Variants in MBP observed in about 807,000 individuals in gnomAD.
The protein encoded by MBP is myelin basic protein.
In MBP, 16 loss-of-function variants were observed where a neutral mutation model predicts 35.8. The observed-to-expected ratio is 0.45, with a 90% CI of 0.30 to 0.68. The LOEUF (loss-of-function observed/expected upper bound fraction) is 0.68. Ranked by LOEUF, MBP falls within the 30% of genes least tolerant of loss-of-function variation. The pLI is 0.08. For missense variants in MBP, 380 were observed against 404.7 expected, an observed-to-expected ratio of 0.94 and a Z score of 0.52; for synonymous variants, 143 against 159.6, an observed-to-expected ratio of 0.90 and a Z score of 0.78.
chr18:77,107,417 CCCT>C (rs1402036328), intron 1 of MBP, among the ~76,000 whole-genome samples: 1 of 152,158 alleles, frequency 6.6e-6, no homozygotes, highest in Non-Finnish European at 1.5e-5. Context: ...CCGTTTCTCA[CCCT>C]CCTCCTCCCA....
chr18:77,017,245 T>C lies in MBP; in HGVS notation c.163A>G (p.Asn55Asp). 6.6e-7 allele frequency: 1 copy of C among 1,512,600 alleles called. No individual in the cohort carries two copies. The highest frequency in any genetic ancestry group is 8.8e-7 in the Non-Finnish European group (1 of 1,131,204). 93.7% of individuals were successfully genotyped at this position (1,512,600 alleles called of 1,614,324 possible). A position where few individuals can be genotyped will look rare whatever the true frequency, so the allele number is the denominator to read the frequency against. Residue 55 changes from asparagine to aspartate, a missense_variant, in exon 4 of 9, where the codon AAT (asparagine) becomes GAT (aspartate). Coordinates refer to ENST00000355994, the MANE Select transcript of MBP (RefSeq NM_001025101.2). Reference protein sequence around the residue: ...VFGEADANQNNGTSSQDTAVT... With the variant: ...VFGEADANQNDGTSSQDTAVT... The stretch of plus-strand genomic sequence containing the variant: ...GCTGTGTCCTGAGAGGAGGTCCCAT[T>C]GTTCTGGTTCGCATCTGCCTCTCCT...
At chr18:77,113,177 G>A (rs555432124) in intron 1 of MBP, 1 of 152,402 alleles carries the variant, frequency 6.6e-6, no homozygotes, top group Admixed American at 6.5e-5. Context: ...CTGACCTTAG[G>A]TGATCCACCC....
chr18:77,088,279 G>A (rs1975347706), intron 2 of MBP, among the ~76,000 whole-genome samples: 1 of 152,186 alleles, frequency 6.6e-6, no homozygotes, highest in Admixed American at 6.5e-5. Context: ...CCTTCCAGCT[G>A]CGTCCACGTC....
At chr18:77,026,880 A>T (rs541865178) in intron 3 of MBP, among the ~76,000 whole-genome samples, 4 of 151,946 alleles carry the variant, frequency 2.6e-5, no homozygotes, top group Non-Finnish European at 4.4e-5. Context: ...TAAATACATA[A>T]TTTTTTTCTG....
chr18:77,098,662 G>T (rs760262217), intron 2 of MBP, among the ~76,000 whole-genome samples: 2 of 152,306 alleles, frequency 1.3e-5, no homozygotes, highest in East Asian at 3.9e-4. Context: ...ACAGCTCTTG[G>T]TTCAGAAGCT....
At position 77,044,529 on chromosome 18, in the gene MBP, C is replaced by T. The variant is rs1973148308; in HGVS notation, c.139+21769G>A. ...CCTGACCCCTCGTCCCTGGAAAGCC[C>T]TCTCCAGGGCCCTCGGCCTCGCTGT... On this transcript the variant is annotated intron_variant, in intron 3 of 8. Transcript: ENST00000355994. The surrounding 1 kb of genome is among the most constrained non-coding windows in gnomAD (Gnocchi z 4.4). Among the ~76,000 whole-genome samples, 1 of 152,110 alleles carries T rather than the reference C, an allele frequency of 6.6e-6. No individual in the cohort carries two copies. Among genetic ancestry groups the T allele is most frequent in the Non-Finnish European group, 1.5e-5 (1 of 68,024 alleles).
intron 1 of MBP, chr18:77,113,530 G>GT (rs1976546852): frequency 6.6e-6 from 1 of 152,452 alleles, no homozygotes; most frequent in African/African-American, 2.4e-5. Flanking sequence ...GCCCTACAGG[G>GT]TAACATGCAG....
intron 4 of MBP, among the ~76,000 whole-genome samples, chr18:76,996,241 A>G (rs977425199): frequency 1.3e-5 from 2 of 152,212 alleles, no homozygotes; most frequent in African/African-American, 2.4e-5. Context: ...TTTCTTAGAA[A>G]GTTAACCCTA....
intron 4 of MBP, among the ~76,000 whole-genome samples, chr18:76,992,107 T>A (rs1969962605): frequency 6.6e-6 from 1 of 152,176 alleles, no homozygotes; most frequent in Non-Finnish European, 1.5e-5. Context: ...GGCACTGGAC[T>A]CTTTCCTCTG....
rs1599300752 is a variant in MBP at position 77,131,854 on chromosome 18, G to C, written c.-26+726C>G. On this transcript the variant is annotated intron_variant, in intron 1 of 8. Transcript: ENST00000355994. The surrounding 1 kb of genome is among the most constrained non-coding windows in gnomAD (Gnocchi z 5.5). The stretch of plus-strand genomic sequence containing the variant: ...GACCCGGGCGGGCCGGCGGGCGGCT[G>C]CGGGCGGCGCACGTGGGCCCAGGTG... Among the ~76,000 whole-genome samples the C allele has an allele frequency of 1.3e-5, 2 of 152,044 alleles. No individual in the cohort carries two copies. The highest frequency in any genetic ancestry group is 2.9e-5 in the Non-Finnish European group (2 of 67,964).
At chr18:77,072,907 G>A (rs977886352) in intron 2 of MBP, among the ~76,000 whole-genome samples, 1 of 152,200 alleles carries the variant, frequency 6.6e-6, no homozygotes, top group African/African-American at 2.4e-5. Flanking sequence ...CTTTTAGGAC[G>A]CCTGGCCTGT....
At chr18:77,013,271 T>C (rs945203117) in intron 4 of MBP, 1 of 985,430 alleles carries the variant, frequency 1.0e-6, no homozygotes, top group Non-Finnish European at 1.2e-6. Context: ...AAGCTCACGA[T>C]GAATGAGATT....
intron 2 of MBP, among the ~76,000 whole-genome samples, chr18:77,081,914 T>TGC (rs1599206973): frequency 1.3e-5 from 2 of 150,756 alleles, no homozygotes; most frequent in Non-Finnish European, 3.0e-5. Context: ...TGCAGTGGCA[T>TGC]GATCTTGGCT....
At chr18:77,021,481 CCTTTT>C (rs1165594614) in intron 3 of MBP, among the ~76,000 whole-genome samples, 5 of 135,492 alleles carry the variant, frequency 3.7e-5, no homozygotes, top group Admixed American at 1.6e-4. Context: ...TGAAGATGCA[CCTTTT>C]TTTTTTTTTT....
At chr18:77,036,653 G>A (rs1186252924) in intron 3 of MBP, among the ~76,000 whole-genome samples, 3 of 147,666 alleles carry the variant, frequency 2.0e-5, no homozygotes, top group Non-Finnish European at 3.0e-5. Flanking sequence ...TTTGGAGACA[G>A]CTGAGCAAGT....
At chr18:77,059,582 G>A (rs545651096) in intron 3 of MBP, among the ~76,000 whole-genome samples, 34 of 151,860 alleles carry the variant, frequency 2.2e-4, no homozygotes, top group African/African-American at 6.5e-4. Flanking sequence ...TTTGACATAT[G>A]TGTAACACTA....
intron 2 of MBP, among the ~76,000 whole-genome samples, chr18:77,103,722 CAG>C (rs1250295054): frequency 1.3e-5 from 2 of 152,008 alleles, no homozygotes; most frequent in African/African-American, 4.8e-5. Context: ...AGTGTAGAGA[CAG>C]GGGTAGGCAG....
intron 8 of MBP, chr18:76,982,122 CTT>C (rs1420650655): frequency 6.6e-6 from 1 of 152,248 alleles, no homozygotes; most frequent in Admixed American, 6.5e-5. Context: ...CCCGTTTTCT[CTT>C]TTGTGCTCAC....
Position 77,000,240 on chromosome 18 carries a change from G to A in MBP, c.577-10180C>T, listed in dbSNP as rs75824960. Among the ~76,000 whole-genome samples the A allele has an allele frequency of 9.7e-4, 148 of 152,298 alleles. 1 individual carries two copies. The highest frequency in any genetic ancestry group is 3.4e-3 in the African/African-American group (141 of 41,548). ...TTTGTGGAAAAATTCTACCACCGAA[G>A]GATGACCCTGGTTTACACTTTGATG... is the stretch of plus-strand genomic sequence containing the variant. On this transcript the variant is annotated intron_variant, in intron 4 of 8. Transcript: ENST00000355994.
Sources: allele counts gnomAD v4.1 joint callset (sites outside exome capture counted in the v4.1 genomes callset), GRCh38; gene constraint gnomAD v4.1.1; non-coding constraint Gnocchi (gnomAD v3.1); transcripts MANE v1.5; gene names NCBI Gene and HGNC (gene_info 2026-07-23, HGNC 2026-07-21).